Variants in DMD observed in about 807,000 individuals in gnomAD.
DMD encodes dystrophin, also known as mutant dystrophin.
Under a neutral mutation model 330.1 loss-of-function variants are expected in DMD, and 63 were observed. The observed-to-expected ratio is 0.19, with a 90% CI of 0.16 to 0.24. The LOEUF is 0.24. Ranked by LOEUF, DMD falls within the 10% of genes least tolerant of loss-of-function variation. The probability of loss-of-function intolerance (pLI) is 1.00; values close to 1 mark genes in which losing one functional copy is unlikely to be tolerated. For missense variants in DMD, 3,344 were observed against 2,684.1 expected (o/e 1.25, Z -5.43); for synonymous variants, 1,223 against 959.8 (o/e 1.27, Z -5.07).
In DMD at chrX:33,049,499, C is replaced by G. The variant is rs148387627; in HGVS notation, c.32-29299G>C. Among the ~76,000 whole-genome samples the G allele has an allele frequency of 3.7e-4, 41 of 110,440 alleles. No homozygotes were observed. The East Asian group carries it at 4.3e-3, about 11-fold the overall frequency. On this transcript the variant is annotated intron_variant, in intron 1 of 78. Coordinates refer to ENST00000357033, the MANE Select transcript of DMD (RefSeq NM_004006.3). ...GAGACAATATTAAATTCAAGTCTCT[C>G]GAAAGGAAAGGAAAAGATAATGAAA...
chrX:33,242,843 A>T (rs1463476461), intron 1 of DMD, among the ~76,000 whole-genome samples: 1 of 111,707 alleles, frequency 9.0e-6, no homozygotes, highest in Non-Finnish European at 1.9e-5. Flanking sequence ...TTCCCTGATC[A>T]TTAGTGATGT....
intron 1 of DMD, among the ~76,000 whole-genome samples, chrX:33,305,604 C>CAA (rs200621638): frequency 1.7e-4 from 14 of 84,320 alleles, no homozygotes; most frequent in South Asian, 5.6e-4. Flanking sequence ...AATATAACTT[C>CAA]AAAAAAAAAA....
rs773000283 is a variant in DMD, at chrX:31,185,257, G to A, written c.9808-2353C>T. Among the ~76,000 whole-genome samples the A allele has an allele frequency of 1.6e-4, 18 of 111,324 alleles. 1 individual carries two copies. The highest frequency in any genetic ancestry group is 1.5e-3 in the South Asian group (4 of 2,582). ...TTTAATCAGCTGTGGAATCTTCTCC[G>A]TCATTCTCTCAACAAATAGTGCCTC... On this transcript the variant is annotated intron_variant, in intron 67 of 78. Coordinates refer to ENST00000357033, the MANE Select transcript of DMD (RefSeq NM_004006.3).
intron 55 of DMD, among the ~76,000 whole-genome samples, chrX:31,517,837 C>A (rs1470777370): frequency 1.8e-5 from 2 of 110,386 alleles, no homozygotes; most frequent in African/African-American, 6.6e-5. Flanking sequence ...TAACTATTCA[C>A]AAGTACATTT....
intron 60 of DMD, among the ~76,000 whole-genome samples, chrX:31,431,560 GC>G (rs1021817380): frequency 9.0e-6 from 1 of 110,544 alleles, no homozygotes; most frequent in Admixed American, 9.6e-5. Flanking sequence ...ACCACGCCCA[GC>G]TAATTTTGTA....
intron 59 of DMD, among the ~76,000 whole-genome samples, chrX:31,446,911 T>G (rs981830242): frequency 3.6e-5 from 4 of 111,799 alleles, no homozygotes; most frequent in Non-Finnish European, 5.6e-5. Flanking sequence ...AGGCAGCATC[T>G]TTCAGTGATA....
chrX:32,562,627 C>G lies in DMD; in HGVS notation c.1992+3075G>C, dbSNP rs374277622. 3.6e-5 allele frequency among the ~76,000 whole-genome samples: 4 copies of G among 112,639 alleles called. No homozygotes were observed. The East Asian group carries it at 8.4e-4, about 24-fold the overall frequency. On this transcript the variant is annotated intron_variant, in intron 16 of 78. Transcript: ENST00000357033. ...ATTAATGAAACTCATTTTTCTCCCA[C>G]AATCATTATAGAAAATGTACATACA...
At chrX:32,292,736 G>C (rs2097478635) in intron 42 of DMD, among the ~76,000 whole-genome samples, 1 of 112,058 alleles carries the variant, frequency 8.9e-6, no homozygotes, top group African/African-American at 3.2e-5. Context: ...CAGGAAAGAA[G>C]TTAACAATAA....
intron 53 of DMD, among the ~76,000 whole-genome samples, chrX:31,669,254 T>C (rs1057163385): frequency 8.9e-6 from 1 of 112,055 alleles, no homozygotes; most frequent in Admixed American, 9.4e-5. Context: ...CTTTTTTCCA[T>C]ATCCTTGATC....
intron 7 of DMD, among the ~76,000 whole-genome samples, chrX:32,772,234 T>C (rs935394834): frequency 4.4e-5 from 5 of 112,833 alleles, no homozygotes; most frequent in East Asian, 5.6e-4. Context: ...TCATGACATA[T>C]TCTACTATAT....
intron 67 of DMD, among the ~76,000 whole-genome samples, chrX:31,198,960 A>G (rs1338172410): frequency 8.9e-6 from 1 of 112,094 alleles, no homozygotes; most frequent in Non-Finnish European, 1.9e-5. Flanking sequence ...AAATTCATAT[A>G]GGGGATCACA....
intron 9 of DMD, among the ~76,000 whole-genome samples, chrX:32,649,774 G>T (rs1473052423): frequency 9.1e-6 from 1 of 110,131 alleles, no homozygotes; most frequent in Non-Finnish European, 1.9e-5. Context: ...TGATACTTCT[G>T]AATATATAAA....
intron 1 of DMD, among the ~76,000 whole-genome samples, chrX:33,094,702 G>A (rs2095131978): frequency 9.2e-6 from 1 of 108,910 alleles, no homozygotes; most frequent in Admixed American, 9.9e-5. Flanking sequence ...CAGCTACTCG[G>A]GAGGCTGAGG....
chrX:33,286,413 T>C (rs774241743), intron 1 of DMD, among the ~76,000 whole-genome samples: 1 of 111,918 alleles, frequency 8.9e-6, no homozygotes, highest in South Asian at 3.7e-4. Flanking sequence ...CTCCAGGAAA[T>C]CATAATTATG....
At chrX:31,927,263 TAA>T (rs1370454219) in intron 47 of DMD, among the ~76,000 whole-genome samples, 1 of 112,234 alleles carries the variant, frequency 8.9e-6, no homozygotes, top group Non-Finnish European at 1.9e-5. Context: ...TGTAGTAATA[TAA>T]GTCTATACAT....
chrX:31,129,354 A>C (rs1007014710), intron 77 of DMD, among the ~76,000 whole-genome samples: 2 of 112,262 alleles, frequency 1.8e-5, no homozygotes, highest in Admixed American at 9.5e-5. Context: ...TCTTTGGTGA[A>C]TATGAATATA....
At chrX:32,836,310 G>A (rs768198999) in intron 4 of DMD, among the ~76,000 whole-genome samples, 5 of 110,400 alleles carry the variant, frequency 4.5e-5, no homozygotes, top group Non-Finnish European at 9.5e-5. Context: ...GGGATTACAG[G>A]TGTGAGCCAC....
chrX:33,133,896 A>C (rs1169190854), intron 1 of DMD, among the ~76,000 whole-genome samples: 1 of 111,985 alleles, frequency 8.9e-6, no homozygotes, highest in Non-Finnish European at 1.9e-5. Flanking sequence ...GGGTTACAGC[A>C]AGTTTGAAGG....
At chrX:33,011,891 A>G (rs1313264217) in intron 2 of DMD, among the ~76,000 whole-genome samples, 1 of 111,785 alleles carries the variant, frequency 8.9e-6, no homozygotes, top group African/African-American at 3.2e-5. Flanking sequence ...AGCAACTATC[A>G]TGCTAATTGG....
Sources: gnomAD v4.1 joint callset for allele counts (sites outside exome capture counted in the v4.1 genomes callset) on GRCh38, gnomAD v4.1.1 for gene constraint, MANE v1.5 for transcripts, NCBI Gene and HGNC (gene_info 2026-07-23, HGNC 2026-07-21) for gene names.